Variants in AIG1 observed in about 807,000 individuals in gnomAD.
The protein encoded by AIG1 is androgen induced 1, also known as androgen-induced gene 1 protein.
Under a neutral mutation model 31.4 loss-of-function variants are expected in AIG1, and 23 were observed. The ratio of observed to expected loss-of-function variants is 0.73; its 90% CI spans 0.53 to 1.04. The LOEUF is 1.04. Ranked by LOEUF, AIG1 falls within the 50% of genes least tolerant of loss-of-function variation. The pLI is 0.00. For synonymous variants in AIG1, 100 were observed against 110.5 expected (o/e 0.90, Z 0.60); for missense variants, 274 against 295.0 (o/e 0.93, Z 0.52).
chr6:143,216,930 C>G (rs561800203), intron 3 of AIG1, among the ~76,000 whole-genome samples: 3 of 152,300 alleles, frequency 2.0e-5, no homozygotes, highest in African/African-American at 4.8e-5. Flanking sequence ...CTTCATTTTA[C>G]ACATGGCTGT....
At chr6:143,206,154 T>C (rs567653149) in intron 3 of AIG1, among the ~76,000 whole-genome samples, 21 of 152,318 alleles carry the variant, frequency 1.4e-4, no homozygotes, top group African/African-American at 5.1e-4. Context: ...ACCACATGTG[T>C]GACATGGCAT....
intron 4 of AIG1, among the ~76,000 whole-genome samples, chr6:143,321,208 T>C (rs2128715453): frequency 6.6e-6 from 1 of 152,338 alleles, no homozygotes; most frequent in Non-Finnish European, 1.5e-5. Context: ...GCACTGTTTA[T>C]GGTGATGGTT....
At chr6:143,301,954 C>T (rs547453946) in intron 4 of AIG1, among the ~76,000 whole-genome samples, 4 of 152,086 alleles carry the variant, frequency 2.6e-5, no homozygotes, top group Non-Finnish European at 4.4e-5. Flanking sequence ...AGCAGCTGTC[C>T]GCTAAGCTGG....
chr6:143,318,433 A>G (rs1030561357), intron 4 of AIG1, among the ~76,000 whole-genome samples: 2 of 152,212 alleles, frequency 1.3e-5, no homozygotes, highest in Non-Finnish European at 2.9e-5. Flanking sequence ...AGCCACATGT[A>G]GAAGAATGAA....
intron 3 of AIG1, among the ~76,000 whole-genome samples, chr6:143,246,812 G>T (rs1794652568): frequency 6.6e-6 from 1 of 152,128 alleles, no homozygotes; most frequent in South Asian, 2.1e-4. Context: ...AAATTAGAAG[G>T]AATAATGTCC....
chr6:143,317,274 G>A (rs544394550), intron 4 of AIG1, among the ~76,000 whole-genome samples: 11 of 152,002 alleles, frequency 7.2e-5, no homozygotes, highest in South Asian at 2.1e-4. Context: ...CTAGCTAACC[G>A]AATCCAACAC....
At chr6:143,207,719 T>C (rs1312635495) in intron 3 of AIG1, among the ~76,000 whole-genome samples, 1 of 152,128 alleles carries the variant, frequency 6.6e-6, no homozygotes, top group Non-Finnish European at 1.5e-5. Context: ...CAAATGGTAG[T>C]AGAATATAAA....
At chr6:143,223,821 A>G (rs1792718916) in intron 3 of AIG1, among the ~76,000 whole-genome samples, 1 of 152,236 alleles carries the variant, frequency 6.6e-6, no homozygotes. Context: ...TAACAGAATA[A>G]CTATTTTTTA....
At chr6:143,241,406 A>C (rs1261256209) in intron 3 of AIG1, among the ~76,000 whole-genome samples, 1 of 152,224 alleles carries the variant, frequency 6.6e-6, no homozygotes, top group Non-Finnish European at 1.5e-5. Context: ...CTTTTCCCTC[A>C]GGTCCAAACT....
intron 1 of AIG1, among the ~76,000 whole-genome samples, chr6:143,118,203 G>A (rs1781901538): frequency 6.6e-6 from 1 of 152,168 alleles, no homozygotes. Flanking sequence ...GCCCGGTGAT[G>A]TAATCCCAGC....
At chr6:143,148,461 A>G (rs1417555115) in intron 2 of AIG1, among the ~76,000 whole-genome samples, 2 of 152,008 alleles carry the variant, frequency 1.3e-5, no homozygotes, top group Admixed American at 6.6e-5. Context: ...GTGAGCTGAG[A>G]TGGTGCCACT....
chr6:143,135,356 T>C (rs574408959), intron 1 of AIG1, among the ~76,000 whole-genome samples: 1 of 152,182 alleles, frequency 6.6e-6, no homozygotes, highest in African/African-American at 2.4e-5. Flanking sequence ...AATAGAAAGA[T>C]ATGAATAGGA....
chr6:143,205,221 TGAACTAAGGCTG>T (rs1435754295), intron 3 of AIG1, among the ~76,000 whole-genome samples: 2 of 152,300 alleles, frequency 1.3e-5, no homozygotes, highest in Admixed American at 1.3e-4. Context: ...ACACCAGCCA[TGAACTAAGGCTG>T]GAGTAGCAAA....
At chr6:143,128,299 C>T (rs552247332) in intron 1 of AIG1, among the ~76,000 whole-genome samples, 3 of 152,148 alleles carry the variant, frequency 2.0e-5, no homozygotes, top group South Asian at 4.2e-4. Context: ...GATTTCCTGA[C>T]AGGGAGAGTT....
At position 143,326,915 on chromosome 6, in the gene AIG1, T is replaced by A. The variant is rs78908498; in HGVS notation, c.516-6367T>A. ...TATGGGATGGGGCCAAAGAGACCGA[T>A]AGAAGCCACTCTATGAAGAGCACTC... On this transcript the variant is annotated intron_variant, in intron 4 of 5. Transcript: ENST00000357847. The surrounding 1 kb of genome is among the most constrained non-coding windows in gnomAD (Gnocchi z 4.5). Among the ~76,000 whole-genome samples the A allele has an allele frequency of 0.023, 3,495 of 152,210 alleles. 56 individuals carry two copies. The highest frequency in any genetic ancestry group is 0.037 in the Middle Eastern group (11 of 294).
At chr6:143,337,707 C>T (rs1777608604) in intron 5 of AIG1, among the ~76,000 whole-genome samples, 1 of 152,168 alleles carries the variant, frequency 6.6e-6, no homozygotes, top group Non-Finnish European at 1.5e-5. Context: ...ACCTCTTCTC[C>T]TCCAGCTACC....
At chr6:143,342,567 G>T (rs1193802958), downstream of AIG1, 16 of 935,942 alleles carry the variant, frequency 1.7e-5, no homozygotes, top group Non-Finnish European at 2.5e-5. Context: ...TTACTGTTGG[G>T]TTTACAGGCT....
rs566222715 is a variant in AIG1 at position 143,285,452 on chromosome 6, G to A, written c.515+1227G>A. 1.9e-4 allele frequency among the ~76,000 whole-genome samples: 29 copies of A among 151,116 alleles called. No homozygotes were observed. The South Asian group carries it at 5.3e-3, about 28-fold the overall frequency. On this transcript the variant is annotated intron_variant, in intron 4 of 5. Transcript: ENST00000357847. ...CCAGGCAGGCAGATCACTTGAGACC[G>A]GGAGTTCGAGACCAGTCTTGTCAAC...
At chr6:143,283,043 A>G (rs1797449982) in intron 3 of AIG1, among the ~76,000 whole-genome samples, 1 of 152,180 alleles carries the variant, frequency 6.6e-6, no homozygotes, top group South Asian at 2.1e-4. Context: ...CCATCTTTAT[A>G]CTCTTGAGAA....
Sources: gnomAD v4.1 joint callset for allele counts (sites outside exome capture counted in the v4.1 genomes callset) on GRCh38, gnomAD v4.1.1 for gene constraint, Gnocchi (gnomAD v3.1) non-coding constraint, MANE v1.5 for transcripts, NCBI Gene and HGNC (gene_info 2026-07-23, HGNC 2026-07-21) for gene names.